MIR2052HG: variants seen among roughly 807,000 people sequenced by gnomAD.
MIR2052HG encodes the protein MIR2052 host gene.
intron 2 of MIR2052HG, among the ~76,000 whole-genome samples, chr8:74,636,914 C>T (rs1350990597): frequency 6.6e-6 from 1 of 152,126 alleles, no homozygotes; most frequent in Non-Finnish European, 1.5e-5. Flanking sequence ...ACCTGAAGGT[C>T]TGCATTTCTA....
chr8:74,690,732 A>T (rs575692133), intron 2 of MIR2052HG, among the ~76,000 whole-genome samples: 242 of 152,258 alleles, frequency 1.6e-3, no homozygotes, highest in African/African-American at 5.6e-3. Flanking sequence ...AGGCTTTTCC[A>T]GGTCTTGAGG....
intron 2 of MIR2052HG, among the ~76,000 whole-genome samples, chr8:74,664,150 T>TA (rs35863225): frequency 0.22 from 31,769 of 146,084 alleles, 3,425 homozygotes; most frequent in Middle Eastern, 0.31. Context: ...CGGTGTGTGA[T>TA]AAAAAAAAAA....
chr8:74,701,084 G>C lies in MIR2052HG; in HGVS notation n.217-1295G>C, dbSNP rs576758618. 3.3e-5 allele frequency among the ~76,000 whole-genome samples: 5 copies of C among 152,228 alleles called. No individual in the cohort carries two copies. In the East Asian group the frequency reaches 9.7e-4, roughly 29 times the overall value. On this transcript the variant is annotated intron_variant and non_coding_transcript_variant, in intron 2 of 6. Transcript: ENST00000523442. ...TCTTTCAAACCTACTACATGAGATA[G>C]TAAGACACAGTTGCTTAGAGAATAA...
intron 2 of MIR2052HG, among the ~76,000 whole-genome samples, chr8:74,617,683 C>A (rs1808305031): frequency 6.6e-6 from 1 of 152,060 alleles, no homozygotes. Context: ...GTGCAGGCAT[C>A]TTTTTGATAT....
intron 4 of MIR2052HG, among the ~76,000 whole-genome samples, chr8:74,712,742 A>C (rs1267294535): frequency 6.6e-6 from 1 of 151,578 alleles, no homozygotes; most frequent in Non-Finnish European, 1.5e-5. Flanking sequence ...GATCATTCAA[A>C]TGTACTTAAG....
chr8:74,701,370 C>T (rs573051650), intron 2 of MIR2052HG, among the ~76,000 whole-genome samples: 16 of 151,972 alleles, frequency 1.1e-4, no homozygotes, highest in African/African-American at 3.1e-4. Context: ...TGCTAGCCAC[C>T]GTTCAAGCAC....
chr8:74,605,321 G>A (rs1808095934), intron 1 of MIR2052HG, among the ~76,000 whole-genome samples: 1 of 152,202 alleles, frequency 6.6e-6, no homozygotes, highest in Non-Finnish European at 1.5e-5. Context: ...TGACTCAAAA[G>A]CTTCGTGGGC....
At chr8:74,744,599 G>A (rs1432885381) in intron 4 of MIR2052HG, among the ~76,000 whole-genome samples, 2 of 151,980 alleles carry the variant, frequency 1.3e-5, no homozygotes, top group Admixed American at 1.3e-4. Context: ...CCTTGCGATA[G>A]TTTACTGAGA....
At chr8:74,657,045 T>C (rs895433900) in intron 2 of MIR2052HG, among the ~76,000 whole-genome samples, 1 of 152,188 alleles carries the variant, frequency 6.6e-6, no homozygotes, top group Non-Finnish European at 1.5e-5. Context: ...TATAGGGTAC[T>C]GCAAAGATGC....
At chr8:74,602,815 G>GTCTTTCTT (rs1338395340) in intron 1 of MIR2052HG, among the ~76,000 whole-genome samples, 55 of 22,548 alleles carry the variant, frequency 2.4e-3, no homozygotes, top group Non-Finnish European at 3.5e-3. Flanking sequence ...ATGCCCGGCC[G>GTCTTTCTT]TGTTTCTTTC....
intron 2 of MIR2052HG, among the ~76,000 whole-genome samples, chr8:74,632,803 C>T (rs1302387447): frequency 6.6e-6 from 1 of 152,042 alleles, no homozygotes; most frequent in Non-Finnish European, 1.5e-5. Flanking sequence ...TGAAGACAAA[C>T]TTCTTATCTT....
intron 1 of MIR2052HG, chr8:74,603,874 C>G (rs1474764425): frequency 9.5e-7 from 1 of 1,053,746 alleles, no homozygotes; most frequent in Non-Finnish European, 1.5e-6. Flanking sequence ...TGTACTCTCT[C>G]GTATTTCCTT....
At chr8:74,599,822 C>G (rs1037682282) in exon 1 of MIR2052HG, 2,062 of 157,916 alleles carry the variant, frequency 0.013, 20 homozygotes, top group Middle Eastern at 0.078. Flanking sequence ...GCCCCTCCCC[C>G]CGCCTCGCTG....
At chr8:74,612,695 A>G (rs1322177127) in intron 1 of MIR2052HG, 1 of 332,714 alleles carries the variant, frequency 3.0e-6, no homozygotes, top group African/African-American at 2.2e-5. Context: ...GAATAACTAA[A>G]CTACTAGTTT....
intron 4 of MIR2052HG, among the ~76,000 whole-genome samples, chr8:74,736,320 G>C (rs1000814067): frequency 6.6e-6 from 1 of 151,838 alleles, no homozygotes; most frequent in Non-Finnish European, 1.5e-5. Context: ...TTATGTGGTG[G>C]GTACATAATT....
At chr8:74,728,565 T>A (rs969398140) in intron 4 of MIR2052HG, among the ~76,000 whole-genome samples, 1 of 152,196 alleles carries the variant, frequency 6.6e-6, no homozygotes, top group Non-Finnish European at 1.5e-5. Flanking sequence ...GACCACTATA[T>A]ACACAATTGT....
chr8:74,644,709 G>A (rs1429038072), intron 2 of MIR2052HG, among the ~76,000 whole-genome samples: 1 of 151,868 alleles, frequency 6.6e-6, no homozygotes, highest in African/African-American at 2.4e-5. Context: ...TGGGAAACAT[G>A]GCAAAACCCT....
At chr8:74,624,437 T>C (rs913357840) in intron 2 of MIR2052HG, among the ~76,000 whole-genome samples, 1 of 152,256 alleles carries the variant, frequency 6.6e-6, no homozygotes, top group Non-Finnish European at 1.5e-5. Flanking sequence ...CTGTCTGTTA[T>C]TGAAATGAAG....
intron 2 of MIR2052HG, among the ~76,000 whole-genome samples, chr8:74,669,892 A>G (rs1339137772): frequency 6.6e-6 from 1 of 152,164 alleles, no homozygotes; most frequent in Non-Finnish European, 1.5e-5. Context: ...TTATGTCCCC[A>G]CAAAATTCAT....
Sources: gnomAD v4.1 joint callset for allele counts (sites outside exome capture counted in the v4.1 genomes callset) on GRCh38, gnomAD v4.1.1 for gene constraint, MANE v1.5 for transcripts, NCBI Gene and HGNC (gene_info 2026-07-23, HGNC 2026-07-21) for gene names.